Variants in MDGA2 observed in about 807,000 individuals in gnomAD.
MDGA2 encodes the protein MAM domain containing glycosylphosphatidylinositol anchor 2, also known as MAM domain-containing glycosylphosphatidylinositol anchor protein 2.
In MDGA2, 40 loss-of-function variants were observed where a neutral mutation model predicts 117.8. The ratio of observed to expected loss-of-function variants is 0.34; its 90% CI spans 0.26 to 0.44. MDGA2 has a LOEUF of 0.44. Ranked by LOEUF, MDGA2 falls within the 20% of genes least tolerant of loss-of-function variation. The pLI is 1.00. For synonymous variants in MDGA2, 452 were observed against 439.0 expected (o/e 1.03, Z -0.37); for missense variants, 1,123 against 1,250.6 (o/e 0.90, Z 1.54).
At chr14:47,280,888 A>G (rs1380025353) in intron 2 of MDGA2, among the ~76,000 whole-genome samples, 1 of 150,330 alleles carries the variant, frequency 6.7e-6, no homozygotes, top group Non-Finnish European at 1.5e-5. Flanking sequence ...AATCTCTAAC[A>G]AACACATTTT....
At chr14:47,237,306 T>C (rs1265313922) in intron 2 of MDGA2, among the ~76,000 whole-genome samples, 1 of 152,138 alleles carries the variant, frequency 6.6e-6, no homozygotes, top group African/African-American at 2.4e-5. Context: ...CATAATCAAA[T>C]GATTTGCAAC....
At chr14:46,987,237 C>G (rs1886893479) in intron 8 of MDGA2, among the ~76,000 whole-genome samples, 1 of 152,012 alleles carries the variant, frequency 6.6e-6, no homozygotes, top group Non-Finnish European at 1.5e-5. Flanking sequence ...TCACACTGGT[C>G]AAGCAAACAG....
At chr14:47,439,699 G>C (rs146055536) in intron 1 of MDGA2, among the ~76,000 whole-genome samples, 1 of 151,762 alleles carries the variant, frequency 6.6e-6, no homozygotes, top group Non-Finnish European at 1.5e-5. Context: ...ATATATGTGC[G>C]TATGTGTGTG....
intron 8 of MDGA2, among the ~76,000 whole-genome samples, chr14:46,973,480 T>C (rs1281746258): frequency 2.6e-5 from 4 of 152,102 alleles, no homozygotes; most frequent in Non-Finnish European, 5.9e-5. Context: ...CTGGACTCCA[T>C]GCCTTAATCA....
chr14:47,416,648 C>T (rs934903149), intron 1 of MDGA2, among the ~76,000 whole-genome samples: 1 of 152,176 alleles, frequency 6.6e-6, no homozygotes, highest in African/African-American at 2.4e-5. Flanking sequence ...CCAAGTGACT[C>T]TATTCTTTGA....
chr14:47,616,067 C>T (rs1211552229), intron 1 of MDGA2, among the ~76,000 whole-genome samples: 1 of 152,138 alleles, frequency 6.6e-6, no homozygotes, highest in Non-Finnish European at 1.5e-5. Flanking sequence ...GAAGAGAGAT[C>T]AGGACCACAA....
intron 8 of MDGA2, among the ~76,000 whole-genome samples, chr14:47,012,898 G>C (rs950395523): frequency 6.6e-6 from 1 of 151,974 alleles, no homozygotes; most frequent in African/African-American, 2.4e-5. Flanking sequence ...ATACAGCATT[G>C]AGTCTAAAAA....
chr14:46,931,525 C>CTTTTTT (rs34478677), intron 9 of MDGA2, among the ~76,000 whole-genome samples: 5 of 128,924 alleles, frequency 3.9e-5, no homozygotes, highest in Non-Finnish European at 6.4e-5. Flanking sequence ...TTTATTTTTG[C>CTTTTTT]TTTTTTTTTT....
intron 8 of MDGA2, among the ~76,000 whole-genome samples, chr14:46,958,997 T>G (rs1264314644): frequency 1.3e-5 from 2 of 152,214 alleles, no homozygotes; most frequent in African/African-American, 4.8e-5. Flanking sequence ...TATGGTTGTT[T>G]ATTCATTTAT....
chr14:46,878,653 A>G (rs1304099653), intron 11 of MDGA2, among the ~76,000 whole-genome samples: 2 of 152,056 alleles, frequency 1.3e-5, no homozygotes, highest in African/African-American at 4.8e-5. Context: ...CACATTGCAA[A>G]TTATGAAAAG....
At chr14:47,641,070 G>C (rs934102432) in intron 1 of MDGA2, among the ~76,000 whole-genome samples, 5 of 151,850 alleles carry the variant, frequency 3.3e-5, no homozygotes, top group Non-Finnish European at 7.4e-5. Flanking sequence ...TCTTCCCAGT[G>C]AATGAAACAC....
At chr14:46,948,337 A>G (rs896297353) in intron 9 of MDGA2, among the ~76,000 whole-genome samples, 2 of 151,956 alleles carry the variant, frequency 1.3e-5, no homozygotes, top group Non-Finnish European at 2.9e-5. Context: ...AGTACTGTCT[A>G]TGAGAGTAAG....
chr14:47,611,538 T>C (rs1896848845), intron 1 of MDGA2, among the ~76,000 whole-genome samples: 2 of 151,714 alleles, frequency 1.3e-5, no homozygotes, highest in African/African-American at 4.8e-5. Context: ...TATCGAAAAG[T>C]TGGCTAAGGA....
intron 7 of MDGA2, among the ~76,000 whole-genome samples, chr14:47,053,764 A>G (rs763371622): frequency 9.2e-5 from 14 of 151,530 alleles, no homozygotes; most frequent in Non-Finnish European, 1.3e-4. Context: ...CAAGAGAAAC[A>G]TATTTTACTC....
At chr14:47,250,792 G>A (rs1887420539) in intron 2 of MDGA2, among the ~76,000 whole-genome samples, 1 of 152,176 alleles carries the variant, frequency 6.6e-6, no homozygotes, top group Admixed American at 6.5e-5. Flanking sequence ...AAGAAGAAGA[G>A]AAGAAGAATT....
At chr14:47,332,657 C>A (rs1890326752) in intron 1 of MDGA2, among the ~76,000 whole-genome samples, 2 of 151,818 alleles carry the variant, frequency 1.3e-5, no homozygotes, top group African/African-American at 4.8e-5. Context: ...AATTAAATAA[C>A]AATTTTTTAA....
chr14:47,509,521 C>A (rs1053101513), intron 1 of MDGA2, among the ~76,000 whole-genome samples: 1 of 152,162 alleles, frequency 6.6e-6, no homozygotes, highest in African/African-American at 2.4e-5. Flanking sequence ...ATATGACGAC[C>A]TGGCACAGCC....
chr14:47,381,295 T>C (rs930176373), intron 1 of MDGA2, among the ~76,000 whole-genome samples: 7 of 152,164 alleles, frequency 4.6e-5, no homozygotes, highest in Admixed American at 3.9e-4. Context: ...CTTTGAAAAC[T>C]GGCACAAGAC....
chr14:47,282,443 G>A (rs1888524065), intron 2 of MDGA2, among the ~76,000 whole-genome samples: 1 of 152,118 alleles, frequency 6.6e-6, no homozygotes, highest in Non-Finnish European at 1.5e-5. Flanking sequence ...ACTTTGGGAG[G>A]CTGAGGCAGA....
Sources: gnomAD v4.1 joint callset for allele counts (sites outside exome capture counted in the v4.1 genomes callset) on GRCh38, gnomAD v4.1.1 for gene constraint, MANE v1.5 for transcripts, NCBI Gene and HGNC (gene_info 2026-07-23, HGNC 2026-07-21) for gene names.